The following FAM178B variants were observed in gnomAD, a reference collection of about 807,000 sequenced individuals.
FAM178B encodes the protein protein FAM178B.
A neutral mutation model predicts 91.7 loss-of-function variants in FAM178B; 82 were observed. That is an observed-to-expected ratio of 0.89 (90% confidence interval 0.75 to 1.07). The LOEUF (loss-of-function observed/expected upper bound fraction) is 1.07, where lower values mean the gene tolerates loss of function less well. FAM178B is among the 50% of genes least tolerant of loss of function. FAM178B has a pLI of 0.00. For synonymous variants in FAM178B, 368 were observed against 359.4 expected, an observed-to-expected ratio of 1.02 and a Z score of -0.27; for missense variants, 769 against 846.7, an observed-to-expected ratio of 0.91 and a Z score of 1.14.
chr2:96,961,505 T>C (rs192261867), intron 5 of FAM178B, among the ~76,000 whole-genome samples: 9 of 152,320 alleles, frequency 5.9e-5, no homozygotes, highest in Admixed American at 5.2e-4. Flanking sequence ...CTTTACTTCA[T>C]ATAACTATGT....
At chr2:96,978,589 C>T (rs1229747910) in intron 1 of FAM178B, among the ~76,000 whole-genome samples, 1 of 151,764 alleles carries the variant, frequency 6.6e-6, no homozygotes, top group African/African-American at 2.4e-5. Flanking sequence ...ATACAGGCCT[C>T]CAGCTCCATC....
chr2:96,976,273 T>C lies in FAM178B; in HGVS notation c.74-3667A>G, dbSNP rs182719682. On this transcript the variant is annotated intron_variant, in intron 1 of 16. Transcript: ENST00000490605. ...CATGCCCGGCTAATTTTTTGTATTT[T>C]TAGTAGAGATGGGGTTTCACCGTGT... 1.7e-4 allele frequency among the ~76,000 whole-genome samples: 26 copies of C among 151,508 alleles called. No homozygotes were observed. In the East Asian group the frequency reaches 5.2e-3, roughly 30 times the overall value.
intron 1 of FAM178B, chr2:96,978,063 C>T: frequency 7.9e-6 from 3 of 379,514 alleles, no homozygotes; most frequent in South Asian, 5.9e-5. Context: ...TCTTCATCCT[C>T]ACATGCGTCT....
In FAM178B at chr2:96,963,909, C is replaced by T. The variant is rs149828547; in HGVS notation, c.735-3469G>A. Among the ~76,000 whole-genome samples the T allele has an allele frequency of 9.0e-3, 1,368 of 152,310 alleles. 24 individuals carry two copies. The highest frequency in any genetic ancestry group is 0.031 in the African/African-American group (1,274 of 41,564). The stretch of plus-strand genomic sequence containing the variant: ...TTATCAGGCTGGGCACGGTGGCTCA[C>T]GCCTGTAATCCCAGCACTTGGGGAG... On this transcript the variant is annotated intron_variant, in intron 5 of 16. Transcript: ENST00000490605.
At chr2:96,965,127 G>GTAGC (rs1206909800) in intron 5 of FAM178B, among the ~76,000 whole-genome samples, 1 of 152,134 alleles carries the variant, frequency 6.6e-6, no homozygotes, top group Non-Finnish European at 1.5e-5. Context: ...AGCCTCCTGA[G>GTAGC]TAGCTGGGAT....
chr2:96,904,171 A>C (rs1035061621), intron 12 of FAM178B, among the ~76,000 whole-genome samples: 10 of 151,956 alleles, frequency 6.6e-5, no homozygotes, highest in Non-Finnish European at 1.2e-4. Context: ...AAAAAAGGAG[A>C]GGCACTAGAA....
intron 8 of FAM178B, among the ~76,000 whole-genome samples, chr2:96,943,869 TG>T (rs1389953874): frequency 6.6e-6 from 1 of 152,136 alleles, no homozygotes; most frequent in Non-Finnish European, 1.5e-5. Flanking sequence ...CTGAATTGAA[TG>T]GAGTCTGCAG....
At chr2:96,907,195 C>T (rs1427226873) in intron 12 of FAM178B, among the ~76,000 whole-genome samples, 1 of 152,206 alleles carries the variant, frequency 6.6e-6, no homozygotes, top group African/African-American at 2.4e-5. Context: ...TGGCCCTCCC[C>T]GCCTTTTAAA....
rs145880544 is a variant in FAM178B at position 96,879,426 on chromosome 2, G to A, written c.1777-933C>T. Reference sequence around the variant, plus strand: ...CCAGCTTCCCCTGCCCTCATCACCCGGCCCTCCCAGGGCGCCAGGCAGTGC... The same window carrying A: ...CCAGCTTCCCCTGCCCTCATCACCCAGCCCTCCCAGGGCGCCAGGCAGTGC... On this transcript the variant is annotated intron_variant, in intron 14 of 16. Coordinates refer to ENST00000490605, the MANE Select transcript of FAM178B (RefSeq NM_001122646.3). Among the ~76,000 whole-genome samples the A allele has an allele frequency of 1.9e-4, 29 of 152,220 alleles. 1 individual carries two copies. The East Asian group carries it at 3.1e-3, about 16-fold the overall frequency.
chr2:96,877,908 C>T lies in FAM178B; in HGVS notation c.1989G>A (p.Leu663=). 1 of 1,613,438 alleles carries T rather than the reference C, an allele frequency of 6.2e-7. No homozygotes were observed. Among genetic ancestry groups the T allele is most frequent in the Non-Finnish European group, 8.5e-7 (1 of 1,180,000 alleles). Residue 663 remains leucine (L), a synonymous_variant, in exon 16 of 17, where the codon CTG becomes CTA. Coordinates refer to ENST00000490605, the MANE Select transcript of FAM178B (RefSeq NM_001122646.3). The part of the protein sequence containing the change: ...TQTYIRWQEL[L]THCQPQAQYF... ...GCACCACCTGGGGCTGGCAGTGGGT[C>T]AGCAGCTCCTGCCAACGGATGTAGG... is the stretch of plus-strand genomic sequence containing the variant.
intron 1 of FAM178B, among the ~76,000 whole-genome samples, chr2:96,985,477 T>A (rs2082411497): frequency 6.6e-6 from 1 of 152,178 alleles, no homozygotes; most frequent in South Asian, 2.1e-4. Context: ...CTCCCTCGCG[T>A]CCTCGCAGTG....
chr2:96,943,520 T>C (rs908660010), intron 8 of FAM178B, among the ~76,000 whole-genome samples: 1 of 152,248 alleles, frequency 6.6e-6, no homozygotes, highest in Admixed American at 6.5e-5. Context: ...GAAAATGTTC[T>C]GGAAGTAGAC....
intron 10 of FAM178B, 120 bp from the exon 11 acceptor site, chr2:96,921,774 T>C (rs1574251117): frequency 3.9e-6 from 4 of 1,028,424 alleles, no homozygotes; most frequent in East Asian, 2.6e-5. Context: ...CCCGCGGCCA[T>C]GTTGGGTAGG....
rs55924441 is a variant in FAM178B at position 96,958,697 on chromosome 2, T to TAAA, written c.887+1588_887+1590dup. On this transcript the variant is annotated intron_variant, in intron 6 of 16. Coordinates refer to ENST00000490605, the MANE Select transcript of FAM178B (RefSeq NM_001122646.3). Reference sequence around the variant, plus strand: ...AGAGTGAGACTCCATCTCAAAATACTAAAAAAAAAAAAAAAAAAAAAAAAA... The same window carrying TAAA: ...AGAGTGAGACTCCATCTCAAAATACTAAAAAAAAAAAAAAAAAAAAAAAAAAAA... 6.5e-4 allele frequency among the ~76,000 whole-genome samples: 36 copies of TAAA among 55,532 alleles called. 1 individual carries two copies. In the East Asian group the frequency reaches 7.6e-3, roughly 12 times the overall value. The allele number at this position is 55,532 out of a possible 152,430, so 36.4% of individuals were successfully genotyped here.
In FAM178B at chr2:96,967,640, G is replaced by T; in HGVS notation, c.627-13C>A. 1 of 1,526,852 alleles carries T rather than the reference G, an allele frequency of 6.5e-7. No individual in the cohort carries two copies. The allele number at this position is 1,526,852 out of a possible 1,614,324, so 94.6% of individuals were successfully genotyped here. ...CAGGGCCTGTTCCCTATAGGAAGTC[G>T]AGGGCCAGAGCCGGGGGTCAGTGTT... On this transcript the variant is annotated splice_polypyrimidine_tract_variant and intron_variant, in intron 4 of 16. Transcript: ENST00000490605.
chr2:96,905,829 TATATATATATATATATATATATATATATA>T (rs2081024772), intron 12 of FAM178B, among the ~76,000 whole-genome samples: 2 of 17,994 alleles, frequency 1.1e-4, no homozygotes, highest in African/African-American at 3.7e-4. Context: ...TATATATATA[TATATATATATATATATATATATATATATA>T]TATTTTTTTT....
At chr2:96,908,313 G>A (rs1304981371) in intron 12 of FAM178B, among the ~76,000 whole-genome samples, 2 of 152,208 alleles carry the variant, frequency 1.3e-5, no homozygotes, top group Admixed American at 6.5e-5. Context: ...GCACATTGAC[G>A]TGGAGAGGCC....
intron 5 of FAM178B, among the ~76,000 whole-genome samples, chr2:96,963,656 T>C (rs2082110561): frequency 6.6e-6 from 1 of 152,150 alleles, no homozygotes; most frequent in African/African-American, 2.4e-5. Flanking sequence ...TCCTTCTAAT[T>C]TGGGCCAGGC....
At chr2:96,905,787 T>C (rs1163160756) in intron 12 of FAM178B, among the ~76,000 whole-genome samples, 1 of 123,152 alleles carries the variant, frequency 8.1e-6, no homozygotes, top group African/African-American at 2.9e-5. Flanking sequence ...AAATACAAAA[T>C]ATATATACAC....
Sources: allele counts gnomAD v4.1 joint callset (sites outside exome capture counted in the v4.1 genomes callset), GRCh38; gene constraint gnomAD v4.1.1; transcripts MANE v1.5; gene names NCBI Gene and HGNC (gene_info 2026-07-23, HGNC 2026-07-21).